The following FSHR variants were observed in gnomAD, a reference collection of about 807,000 sequenced individuals.
The protein encoded by FSHR is follicle stimulating hormone receptor, also known as follicle-stimulating hormone receptor.
In FSHR, 46 loss-of-function variants were observed where a neutral mutation model predicts 52.1. That is an observed-to-expected ratio of 0.88 (90% CI 0.70 to 1.13). The LOEUF is 1.13. FSHR is among the 50% of genes most tolerant of loss of function. FSHR has a pLI of 0.00. For synonymous variants in FSHR, 399 were observed against 309.6 expected, an observed-to-expected ratio of 1.29 and a Z score of -3.03; for missense variants, 964 against 834.6, an observed-to-expected ratio of 1.16 and a Z score of -1.91.
intron 2 of FSHR, among the ~76,000 whole-genome samples, chr2:49,054,872 C>T (rs1162733684): frequency 6.6e-6 from 1 of 152,110 alleles, no homozygotes; most frequent in Non-Finnish European, 1.5e-5. Context: ...CCCCAAGACT[C>T]ATCCAAATGA....
chr2:49,093,862 G>A (rs1670714102), intron 1 of FSHR, among the ~76,000 whole-genome samples: 1 of 152,006 alleles, frequency 6.6e-6, no homozygotes, highest in African/African-American at 2.4e-5. Flanking sequence ...CTTCCAAATT[G>A]CTAGGATTAT....
chr2:49,082,903 C>A (rs1216271018), intron 1 of FSHR, among the ~76,000 whole-genome samples: 5 of 151,970 alleles, frequency 3.3e-5, no homozygotes, highest in Admixed American at 6.6e-5. Context: ...AGAATGGAAC[C>A]AAGTTGGAAA....
intron 1 of FSHR, among the ~76,000 whole-genome samples, chr2:49,099,139 C>A (rs191252931): frequency 6.6e-6 from 1 of 151,906 alleles, no homozygotes; most frequent in Non-Finnish European, 1.5e-5. Context: ...AAGTCTTTGA[C>A]ATGGTTTAAA....
intron 4 of FSHR, among the ~76,000 whole-genome samples, chr2:49,014,533 C>A (rs1407800507): frequency 6.6e-6 from 1 of 152,096 alleles, no homozygotes; most frequent in African/African-American, 2.4e-5. Flanking sequence ...CACATCCTTA[C>A]AAGTTCAAGT....
intron 2 of FSHR, among the ~76,000 whole-genome samples, chr2:49,061,463 G>C (rs1669284985): frequency 6.7e-6 from 1 of 149,370 alleles, no homozygotes; most frequent in African/African-American, 2.5e-5. Context: ...GAGACAAAAA[G>C]GGACATTATA....
At chr2:49,132,896 T>C (rs2103815140) in intron 1 of FSHR, among the ~76,000 whole-genome samples, 1 of 150,844 alleles carries the variant, frequency 6.6e-6, no homozygotes, top group Admixed American at 6.6e-5. Flanking sequence ...TATTCAGAGT[T>C]TCTTGAAATG....
chr2:49,134,653 T>A (rs965517080), intron 1 of FSHR, among the ~76,000 whole-genome samples: 2 of 152,162 alleles, frequency 1.3e-5, no homozygotes, highest in Non-Finnish European at 2.9e-5. Context: ...TAGCAAAGAC[T>A]TGGAACCAAC....
At chr2:49,113,133 T>C (rs1671483687) in intron 1 of FSHR, among the ~76,000 whole-genome samples, 1 of 152,258 alleles carries the variant, frequency 6.6e-6, no homozygotes, top group African/African-American at 2.4e-5. Flanking sequence ...AAGGGTACTC[T>C]TCACTACCAG....
At position 48,990,906 on chromosome 2, in the gene FSHR, T is replaced by G. The variant is rs367688436; in HGVS notation, c.375-269A>C. On this transcript the variant is annotated intron_variant, in intron 4 of 9. Coordinates refer to ENST00000406846, the MANE Select transcript of FSHR (RefSeq NM_000145.4). The stretch of plus-strand genomic sequence containing the variant: ...ACAGTATACATTAAAAAAAAAACGA[T>G]TGATAAGTTAATGTGACCCTAAAGC... Among the ~76,000 whole-genome samples the G allele has an allele frequency of 5.5e-3, 820 of 148,072 alleles. 9 individuals carry two copies. Among genetic ancestry groups the G allele is most frequent in the African/African-American group, 0.019 (783 of 40,692 alleles).
chr2:49,114,804 G>T (rs1315126073), intron 1 of FSHR, among the ~76,000 whole-genome samples: 1 of 151,960 alleles, frequency 6.6e-6, no homozygotes. Context: ...TGTTGGGGGA[G>T]GGGACAATAA....
chr2:49,041,685 A>T (rs1005229927), intron 2 of FSHR, among the ~76,000 whole-genome samples: 3 of 152,096 alleles, frequency 2.0e-5, no homozygotes, highest in Non-Finnish European at 4.4e-5. Flanking sequence ...ATACCAGGCA[A>T]TGCATTATTT....
chr2:49,025,225 G>A (rs917551691), intron 2 of FSHR, among the ~76,000 whole-genome samples: 7 of 152,144 alleles, frequency 4.6e-5, no homozygotes, highest in African/African-American at 1.7e-4. Flanking sequence ...TTCAACAAAT[G>A]TTCAACGAAT....
intron 1 of FSHR, among the ~76,000 whole-genome samples, chr2:49,093,669 G>A (rs12618107): frequency 0.52 from 77,935 of 148,506 alleles, 20,887 homozygotes; most frequent in East Asian, 0.76. Flanking sequence ...ATCGCAGCTC[G>A]CTGCAACCTC....
At chr2:48,989,141 T>A (rs1366697632) in intron 5 of FSHR, 87 bp from the exon 6 acceptor site, 25 of 948,618 alleles carry the variant, frequency 2.6e-5, no homozygotes, top group Non-Finnish European at 3.5e-5. Context: ...CATGATGCGG[T>A]CTTCAGCTGA....
chr2:48,977,716 T>G (rs1305164084), intron 8 of FSHR, among the ~76,000 whole-genome samples: 1 of 152,140 alleles, frequency 6.6e-6, no homozygotes, highest in African/African-American at 2.4e-5. Context: ...TGTTTTCTGT[T>G]TTCACATATA....
chr2:49,028,265 G>A (rs1042663973), intron 2 of FSHR, among the ~76,000 whole-genome samples: 3 of 152,188 alleles, frequency 2.0e-5, no homozygotes, highest in East Asian at 1.9e-4. Context: ...TGTTTGCGGT[G>A]TAGCAGGCAC....
intron 2 of FSHR, among the ~76,000 whole-genome samples, chr2:49,051,592 T>G (rs2104302838): frequency 6.6e-6 from 1 of 152,234 alleles, no homozygotes; most frequent in Non-Finnish European, 1.5e-5. Flanking sequence ...ACAAGTCCTT[T>G]TTCAGATATA....
At chr2:49,076,216 T>A (rs1669944474) in intron 1 of FSHR, among the ~76,000 whole-genome samples, 1 of 152,172 alleles carries the variant, frequency 6.6e-6, no homozygotes, top group South Asian at 2.1e-4. Flanking sequence ...GATAAAGACA[T>A]ACTCAAGACT....
intron 4 of FSHR, among the ~76,000 whole-genome samples, chr2:49,015,560 T>C (rs943751455): frequency 3.9e-5 from 6 of 152,188 alleles, no homozygotes; most frequent in African/African-American, 1.2e-4. Context: ...TATTGAATGA[T>C]GGAGTCAGGA....
Sources: gnomAD v4.1 joint callset for allele counts (sites outside exome capture counted in the v4.1 genomes callset) on GRCh38, gnomAD v4.1.1 for gene constraint, MANE v1.5 for transcripts, NCBI Gene and HGNC (gene_info 2026-07-23, HGNC 2026-07-21) for gene names.